Variants in ZNF699 observed in about 807,000 individuals in gnomAD.
ZNF699 encodes hangover homolog.
Under a neutral mutation model 22.5 loss-of-function variants are expected in ZNF699, and 18 were observed. The observed-to-expected ratio is 0.80, with a 90% CI of 0.55 to 1.19. The LOEUF is 1.19. Ranked by LOEUF, ZNF699 falls within the 50% of genes most tolerant of loss-of-function variation. The pLI is 0.00. For synonymous variants in ZNF699, 241 were observed against 262.3 expected (o/e 0.92, Z 0.78); for missense variants, 670 against 763.4 (o/e 0.88, Z 1.44).
rs2066268005 is a variant in ZNF699, at chr19:9,292,248, A to G, written c.*3227T>C. ...TATGATTCAGTCAGTGCAGACTCTA[A>G]TCCAGTTTCTGGATAAGAACAGGCA... On this transcript the variant is annotated 3_prime_UTR_variant, in exon 6 of 6. Transcript: ENST00000591998. Among the ~76,000 whole-genome samples, 1 of 152,162 alleles carries G rather than the reference A, an allele frequency of 6.6e-6. No homozygotes were observed. The highest frequency in any genetic ancestry group is 1.5e-5 in the Non-Finnish European group (1 of 68,030).
In ZNF699 at chr19:9,302,497, A is replaced by G. The variant is rs371989584; in HGVS notation, c.56T>C (p.Val19Ala). Residue 19 changes from valine to alanine, a missense_variant, in exon 3 of 6, where the codon GTA becomes GCA. Val to Ala is a moderately conservative substitution (Grantham distance 64). Transcript: ENST00000591998. The stretch of plus-strand genomic sequence containing the variant: ...GTCCACAGCCACATCCTCAAAGACT[A>G]CTGAGTCCTAAAACATACCACAAAT... Reference protein sequence around the residue: ...ELQKNRIQDSVVFEDVAVDFT... With the variant: ...ELQKNRIQDSAVFEDVAVDFT... 9.3e-6 allele frequency: 15 copies of G among 1,611,614 alleles called. No homozygotes were observed. The highest frequency in any genetic ancestry group is 3.3e-5 in the South Asian group (3 of 90,936).
At position 9,297,523 on chromosome 19, in the gene ZNF699, T is replaced by G; in HGVS notation, c.287-44A>C. On this transcript the variant is annotated intron_variant, in intron 4 of 5. Coordinates refer to ENST00000591998, the MANE Select transcript of ZNF699 (RefSeq NM_198535.3). The surrounding 1 kb of genome is among the most constrained non-coding windows in gnomAD (Gnocchi z 4.3). ...AAAGCTTCCATGAGCCAAGGACTTT[T>G]AGCAGAGTGACTATTTCAGGACTTT... 6.7e-7 allele frequency: 1 copy of G among 1,488,746 alleles called. No individual in the cohort carries two copies. The highest frequency in any genetic ancestry group is 9.0e-7 in the Non-Finnish European group (1 of 1,116,200). 92.2% of individuals were successfully genotyped at this position (1,488,746 alleles called of 1,614,324 possible). A position where few individuals can be genotyped will look rare whatever the true frequency, so the allele number is the denominator to read the frequency against.
rs1158983710 is a variant in ZNF699, at chr19:9,297,190, A to G, written c.470+106T>C. 97 of 1,211,188 alleles carry G rather than the reference A, an allele frequency of 8.0e-5. No homozygotes were observed. Among genetic ancestry groups the G allele is most frequent in the Non-Finnish European group, 6.8e-5 (60 of 879,278 alleles). The allele number at this position is 1,211,188 out of a possible 1,614,324, so 75.0% of individuals were successfully genotyped here. A position where few individuals can be genotyped will look rare whatever the true frequency, so the allele number is the denominator to read the frequency against. On this transcript the variant is annotated intron_variant, in intron 5 of 5. Transcript: ENST00000591998. The surrounding 1 kb of genome is among the most constrained non-coding windows in gnomAD (Gnocchi z 4.3). Reference sequence around the variant, plus strand: ...CATGAAAATTCTTTCTCAAACCACAATCTTTGATCTAGGCTTATTTATATA... The same window carrying G: ...CATGAAAATTCTTTCTCAAACCACAGTCTTTGATCTAGGCTTATTTATATA...
rs1198664007 is a variant in ZNF699, at chr19:9,294,630, T to C, written c.*845A>G. On this transcript the variant is annotated 3_prime_UTR_variant, in exon 6 of 6. Coordinates refer to ENST00000591998, the MANE Select transcript of ZNF699 (RefSeq NM_198535.3). ...ACTCTTATTTTAGACAAGTCTAACC[T>C]AGAACTGGAGAAAAAAGTGATTCTG... The C allele has an allele frequency of 1.3e-5, 2 of 152,280 alleles. No individual in the cohort carries two copies. The highest frequency in any genetic ancestry group is 1.9e-4 in the East Asian group (1 of 5,188). 9.4% of individuals were successfully genotyped at this position (152,280 alleles called of 1,614,324 possible). A position where few individuals can be genotyped will look rare whatever the true frequency, so the allele number is the denominator to read the frequency against.
chr19:9,303,364 C>T (rs576078115), intron 2 of ZNF699, among the ~76,000 whole-genome samples: 104 of 152,316 alleles, frequency 6.8e-4, no homozygotes, highest in African/African-American at 1.3e-3. Context: ...GCTCCTACTA[C>T]CCTCTCCTTG....
chr19:9,306,878 C>T (rs1478292150), intron 1 of ZNF699, among the ~76,000 whole-genome samples: 3 of 152,194 alleles, frequency 2.0e-5, no homozygotes, highest in Non-Finnish European at 4.4e-5. Flanking sequence ...CCCTATTGGG[C>T]ACTACAGAGA....
intron 1 of ZNF699, among the ~76,000 whole-genome samples, chr19:9,307,131 G>A (rs533398618): frequency 3.3e-5 from 5 of 152,324 alleles, no homozygotes; most frequent in Non-Finnish European, 5.9e-5. Context: ...AACTCAGGAG[G>A]CAGAGGTTGC....
chr19:9,297,629 A>G lies in ZNF699; in HGVS notation c.287-150T>C, dbSNP rs773131770. The G allele has an allele frequency of 2.6e-4, 179 of 686,004 alleles. No homozygotes were observed. The highest frequency in any genetic ancestry group is 3.9e-4 in the Non-Finnish European group (164 of 418,022). 42.5% of individuals were successfully genotyped at this position (686,004 alleles called of 1,614,324 possible). A position where few individuals can be genotyped will look rare whatever the true frequency, so the allele number is the denominator to read the frequency against. ...ATGAAGATTGAAACTAACATAACTA[A>G]TATAGTATTAGGAGAACAAAACAGA... On this transcript the variant is annotated intron_variant, in intron 4 of 5. Coordinates refer to ENST00000591998, the MANE Select transcript of ZNF699 (RefSeq NM_198535.3). This position sits in a 1 kb window ranked among gnomAD's most constrained non-coding sequence, Gnocchi z 4.3.
Position 9,292,589 on chromosome 19 carries a change from T to A in ZNF699, c.*2886A>T, listed in dbSNP as rs1034771760. Among the ~76,000 whole-genome samples the A allele has an allele frequency of 1.3e-5, 2 of 152,182 alleles. No individual in the cohort carries two copies. Among genetic ancestry groups the A allele is most frequent in the African/African-American group, 4.8e-5 (2 of 41,430 alleles). On this transcript the variant is annotated 3_prime_UTR_variant, in exon 6 of 6. Coordinates refer to ENST00000591998, the MANE Select transcript of ZNF699 (RefSeq NM_198535.3). ...ATTTAGCCATGTCTGAAGCTCGTTATACCCAAGGACTTTTTAGTAATAAAT... is the reference window on the plus strand; with the variant it reads ...ATTTAGCCATGTCTGAAGCTCGTTAAACCCAAGGACTTTTTAGTAATAAAT...
intron 1 of ZNF699, among the ~76,000 whole-genome samples, chr19:9,305,732 T>G (rs1335274115): frequency 3.3e-5 from 5 of 151,838 alleles, no homozygotes. Flanking sequence ...GATGGAGTCT[T>G]GCTCTGTCAC....
intron 1 of ZNF699, among the ~76,000 whole-genome samples, chr19:9,308,460 T>C (rs1005169053): frequency 1.3e-5 from 2 of 152,098 alleles, no homozygotes; most frequent in Admixed American, 6.6e-5. Context: ...CAAGCAGTGA[T>C]CTAAAACCTG....
chr19:9,307,917 A>G, intron 1 of ZNF699, among the ~76,000 whole-genome samples: 3 of 151,460 alleles, frequency 2.0e-5, no homozygotes, highest in African/African-American at 7.3e-5. Flanking sequence ...ACTGCACTCC[A>G]GCCTGGGAGA....
At chr19:9,304,951 C>T in intron 2 of ZNF699, 121 bp downstream of exon 2, 1 of 555,320 alleles carries the variant, frequency 1.8e-6, no homozygotes, top group Non-Finnish European at 3.0e-6. Flanking sequence ...CTATAGCCTT[C>T]AGTGCCTAAA....
intron 3 of ZNF699, among the ~76,000 whole-genome samples, chr19:9,301,403 A>G (rs1000177678): frequency 1.3e-5 from 2 of 152,108 alleles, no homozygotes; most frequent in Non-Finnish European, 2.9e-5. Context: ...GAGAAAAGGG[A>G]GTCTTTCCCC....
chr19:9,303,119 A>G (rs537919374), intron 2 of ZNF699, among the ~76,000 whole-genome samples: 87 of 152,328 alleles, frequency 5.7e-4, no homozygotes, highest in African/African-American at 2.0e-3. Flanking sequence ...ATAGTCACTC[A>G]ATACTGTACA....
chr19:9,291,275 T>C lies in ZNF699; in HGVS notation c.*4200A>G, dbSNP rs527612489. Among the ~76,000 whole-genome samples the C allele has an allele frequency of 1.8e-4, 27 of 152,272 alleles. No individual in the cohort carries two copies. The South Asian group carries it at 5.4e-3, about 30-fold the overall frequency. On this transcript the variant is annotated 3_prime_UTR_variant, in exon 6 of 6. Transcript: ENST00000591998. The stretch of plus-strand genomic sequence containing the variant: ...TACAGGCATAGTACCAAAAATTCAT[T>C]TGTGAAAATTAATCCTGAGATTCCA...
chr19:9,296,509 T>G lies in ZNF699; in HGVS notation c.895A>C (p.Arg299=), dbSNP rs749932430. Residue 299 remains arginine (R), a synonymous_variant, in exon 6 of 6, where the codon AGA becomes CGA. Transcript: ENST00000591998. ...SCSSSLTEHK[R]IHSGDKPYEC... ...TAAGGCTTATCTCCACTGTGAATTC[T>G]TTTGTGTTCTGTGAGCGATGAGGAA... 6.8e-6 allele frequency: 11 copies of G among 1,614,218 alleles called. No homozygotes were observed. Among genetic ancestry groups the G allele is most frequent in the Non-Finnish European group, 9.3e-6 (11 of 1,180,036 alleles).
Position 9,295,242 on chromosome 19 carries a change from GAGGCAC to G in ZNF699, c.*227_*232del. 1 of 509,782 alleles carries G rather than the reference GAGGCAC, an allele frequency of 2.0e-6. No homozygotes were observed. The highest frequency in any genetic ancestry group is 3.7e-5 in the Admixed American group (1 of 27,232). 31.6% of individuals were successfully genotyped at this position (509,782 alleles called of 1,614,324 possible). A position where few individuals can be genotyped will look rare whatever the true frequency, so the allele number is the denominator to read the frequency against. Reference sequence around the variant, plus strand: ...CGAGCCAGCATTCTACTTTAAGGATGAGGCACTGATCTTCATTTCTAGTAGAGATTT... The same window carrying G: ...CGAGCCAGCATTCTACTTTAAGGATGTGATCTTCATTTCTAGTAGAGATTT... On this transcript the variant is annotated 3_prime_UTR_variant, in exon 6 of 6. Coordinates refer to ENST00000591998, the MANE Select transcript of ZNF699 (RefSeq NM_198535.3).
At chr19:9,305,587 G>A (rs1358249698) in intron 1 of ZNF699, among the ~76,000 whole-genome samples, 6 of 152,282 alleles carry the variant, frequency 3.9e-5, no homozygotes, top group South Asian at 2.1e-4. Context: ...TTCCACTCCC[G>A]ATATTTCTTA....
Sources: allele counts gnomAD v4.1 joint callset (sites outside exome capture counted in the v4.1 genomes callset), GRCh38; gene constraint gnomAD v4.1.1; non-coding constraint Gnocchi (gnomAD v3.1); transcripts MANE v1.5; gene names NCBI Gene and HGNC (gene_info 2026-07-23, HGNC 2026-07-21).